The following ARB2A variants were observed in gnomAD, a reference collection of about 807,000 sequenced individuals.
ARB2A encodes the protein ARB2 cotranscriptional regulator A.
chr5:94,021,467 A>C, the ARB2A span, among the ~76,000 whole-genome samples: 1 of 152,236 alleles, frequency 6.6e-6, no homozygotes, highest in Non-Finnish European at 1.5e-5. Context: ...GATGGAAAAA[A>C]AACTCTGATC....
At chr5:94,027,175 C>T in the ARB2A span, among the ~76,000 whole-genome samples, 2 of 152,194 alleles carry the variant, frequency 1.3e-5, no homozygotes, top group East Asian at 1.9e-4. Flanking sequence ...TGGTAGAGGT[C>T]GAAGTTGAAG....
At chr5:93,960,087 C>A in the ARB2A span, among the ~76,000 whole-genome samples, 30 of 144,154 alleles carry the variant, frequency 2.1e-4, 1 homozygote, top group African/African-American at 7.8e-4. Context: ...AGATGCCCCC[C>A]CCCCCCCCAA....
the ARB2A span, among the ~76,000 whole-genome samples, chr5:93,958,577 C>T: frequency 6.6e-6 from 1 of 152,084 alleles, no homozygotes; most frequent in East Asian, 1.9e-4. Context: ...TTATTTAAAT[C>T]TTTGTATGCT....
the ARB2A span, among the ~76,000 whole-genome samples, chr5:94,093,764 A>G: frequency 0.014 from 2,132 of 152,252 alleles, 53 homozygotes; most frequent in African/African-American, 0.048. Context: ...TCTAAATATC[A>G]TCTAAATTAG....
At chr5:93,873,110 C>T in the ARB2A span, among the ~76,000 whole-genome samples, 1 of 151,788 alleles carries the variant, frequency 6.6e-6, no homozygotes, top group African/African-American at 2.4e-5. Flanking sequence ...AAATAATATT[C>T]ATTAATCAAA....
chr5:94,036,041 A>C, the ARB2A span, among the ~76,000 whole-genome samples: 1 of 152,102 alleles, frequency 6.6e-6, no homozygotes, highest in Non-Finnish European at 1.5e-5. Flanking sequence ...AAAACCACTT[A>C]GTTAATTTTA....
At chr5:93,901,731 G>A in the ARB2A span, among the ~76,000 whole-genome samples, 111 of 152,200 alleles carry the variant, frequency 7.3e-4, no homozygotes, top group Non-Finnish European at 1.5e-3. Context: ...GTTGGAAGAT[G>A]AGTAGGTTCT....
At chr5:94,097,869 C>T in the ARB2A span, among the ~76,000 whole-genome samples, 6 of 142,978 alleles carry the variant, frequency 4.2e-5, no homozygotes, top group South Asian at 1.4e-3. Flanking sequence ...ACCGCTGGTA[C>T]ACACACACAC....
the ARB2A span, chr5:94,074,632 A>C: frequency 1.9e-6 from 3 of 1,593,990 alleles, no homozygotes; most frequent in Non-Finnish European, 2.6e-6. Context: ...TGAAAAAGCA[A>C]ATTAAGTATG....
chr5:93,849,166 T>C, the ARB2A span, among the ~76,000 whole-genome samples: 2 of 152,096 alleles, frequency 1.3e-5, no homozygotes, highest in Admixed American at 6.6e-5. Context: ...GAGCACGTCG[T>C]AGCTCAAAAA....
chr5:94,084,086 C>T, the ARB2A span, among the ~76,000 whole-genome samples: 1 of 151,596 alleles, frequency 6.6e-6, no homozygotes, highest in Non-Finnish European at 1.5e-5. Flanking sequence ...CCAGCCTGGT[C>T]AATACGGTGA....
At chr5:93,996,491 T>C in the ARB2A span, among the ~76,000 whole-genome samples, 2 of 152,066 alleles carry the variant, frequency 1.3e-5, no homozygotes, top group Non-Finnish European at 2.9e-5. Flanking sequence ...TCAGTGCACT[T>C]AGCATCCCAA....
chr5:93,807,580 TAA>T, the ARB2A span, among the ~76,000 whole-genome samples: 1 of 151,888 alleles, frequency 6.6e-6, no homozygotes, highest in Non-Finnish European at 1.5e-5. Flanking sequence ...ATAATGTATA[TAA>T]AGTTAGTAAA....
the ARB2A span, among the ~76,000 whole-genome samples, chr5:93,815,240 G>A: frequency 5.9e-5 from 9 of 152,086 alleles, no homozygotes; most frequent in African/African-American, 2.2e-4. Flanking sequence ...ACCTGTAACA[G>A]AAAATATGAA....
At chr5:93,775,096 C>A in the ARB2A span, among the ~76,000 whole-genome samples, 10 of 152,040 alleles carry the variant, frequency 6.6e-5, no homozygotes, top group Admixed American at 5.2e-4. Context: ...TCTAGTGGTT[C>A]TGTCTCTGTG....
the ARB2A span, among the ~76,000 whole-genome samples, chr5:94,015,603 T>C: frequency 5.9e-5 from 9 of 152,198 alleles, no homozygotes; most frequent in African/African-American, 1.4e-4. Context: ...CAGCAAACTA[T>C]TGAGAAAGGT....
chr5:93,881,199 T>C, the ARB2A span: 1 of 268,096 alleles, frequency 3.7e-6, no homozygotes, highest in Admixed American at 5.1e-5. Context: ...ACAATAAAAT[T>C]ATTTTAGAAA....
the ARB2A span, among the ~76,000 whole-genome samples, chr5:93,893,821 A>T: frequency 6.6e-6 from 1 of 152,230 alleles, no homozygotes; most frequent in African/African-American, 2.4e-5. Context: ...CTTCTAAACC[A>T]GAAAATCACA....
chr5:93,814,735 T>C, the ARB2A span, among the ~76,000 whole-genome samples: 12 of 152,120 alleles, frequency 7.9e-5, no homozygotes, highest in Non-Finnish European at 5.9e-5. Context: ...TTGTATGGAG[T>C]GGGTATGTTC....
Sources: gnomAD v4.1 joint callset for allele counts (sites outside exome capture counted in the v4.1 genomes callset) on GRCh38, gnomAD v4.1.1 for gene constraint, MANE v1.5 for transcripts, NCBI Gene and HGNC (gene_info 2026-07-23, HGNC 2026-07-21) for gene names.